PDE4D: variants seen among roughly 807,000 people sequenced by gnomAD.
PDE4D encodes the protein 3',5'-cyclic-AMP phosphodiesterase 4D.
In PDE4D, 24 loss-of-function variants were observed where a neutral mutation model predicts 87.4. That is an observed-to-expected ratio of 0.27 (90% confidence interval 0.20 to 0.39). The LOEUF (loss-of-function observed/expected upper bound fraction) is 0.39, where lower values mean the gene tolerates loss of function less well. PDE4D is among the 10% of genes least tolerant of loss of function. The pLI is 1.00. For missense variants in PDE4D, 714 were observed against 1,041.0 expected, an observed-to-expected ratio of 0.69 and a Z score of 4.32; for synonymous variants, 384 against 383.2, an observed-to-expected ratio of 1.00 and a Z score of -0.02.
At chr5:59,761,786 A>G (rs1580948537) in intron 1 of PDE4D, among the ~76,000 whole-genome samples, 2 of 152,140 alleles carry the variant, frequency 1.3e-5, no homozygotes, top group Admixed American at 1.3e-4. Context: ...ACTTTTGTAT[A>G]TAAGTAGGAG....
At chr5:59,393,929 C>G (rs150693352) in intron 1 of PDE4D, among the ~76,000 whole-genome samples, 1 of 152,162 alleles carries the variant, frequency 6.6e-6, no homozygotes, top group East Asian at 1.9e-4. Context: ...TTTCTTTGAG[C>G]TCTTGAAAAC....
chr5:59,521,283 T>C (rs907304876), intron 1 of PDE4D, among the ~76,000 whole-genome samples: 12 of 152,026 alleles, frequency 7.9e-5, no homozygotes, highest in African/African-American at 2.4e-4. Flanking sequence ...ATCAGTGCAT[T>C]CCTGATGTAT....
intron 1 of PDE4D, among the ~76,000 whole-genome samples, chr5:59,428,669 C>T (rs1450251998): frequency 2.0e-5 from 3 of 152,086 alleles, no homozygotes; most frequent in Admixed American, 1.3e-4. Context: ...AAATTTACAA[C>T]TTAAGAAAAT....
intron 4 of PDE4D, among the ~76,000 whole-genome samples, chr5:59,183,560 C>T (rs762176354): frequency 2.6e-5 from 4 of 152,106 alleles, no homozygotes; most frequent in Non-Finnish European, 4.4e-5. Context: ...ATCTCAGTTT[C>T]CTGGGTAAAA....
In PDE4D at chr5:60,422,068, T is replaced by C. The variant is rs143165623; in HGVS notation, c.-90+65874A>G. On this transcript the variant is annotated intron_variant, in intron 1 of 16. Transcript: ENST00000502484. ...GTGAAAAGACCAAATCTACGTCTGA[T>C]TGATGTACCTGAAAGTGACGGGGAG... Among the ~76,000 whole-genome samples the C allele has an allele frequency of 8.9e-3, 1,349 of 152,326 alleles. 15 individuals carry two copies. The highest frequency in any genetic ancestry group is 0.03 in the African/African-American group (1,267 of 41,562).
intron 3 of PDE4D, among the ~76,000 whole-genome samples, chr5:59,905,469 T>G (rs1473233523): frequency 6.6e-6 from 1 of 152,096 alleles, no homozygotes; most frequent in Non-Finnish European, 1.5e-5. Flanking sequence ...TAAATATTAT[T>G]CATTCTTAAA....
In PDE4D at chr5:58,969,456, G is replaced by A. The variant is rs533492070; in HGVS notation, c.*5208C>T. ...AGATCTTTGCAAATGTTTCTTGTCT[G>A]GATCCCCTTCCTCTTCCTGTCAACT... On this transcript the variant is annotated 3_prime_UTR_variant, in exon 15 of 15. Transcript: ENST00000340635. 6.6e-6 allele frequency: 1 copy of A among 152,226 alleles called. No individual in the cohort carries two copies. The highest frequency in any genetic ancestry group is 1.9e-4 in the East Asian group (1 of 5,188). 9.4% of individuals were successfully genotyped at this position (152,226 alleles called of 1,614,324 possible). A position where few individuals can be genotyped will look rare whatever the true frequency, so the allele number is the denominator to read the frequency against.
chr5:60,434,266 G>A (rs1744588845), intron 1 of PDE4D, among the ~76,000 whole-genome samples: 1 of 152,110 alleles, frequency 6.6e-6, no homozygotes, highest in African/African-American at 2.4e-5. Context: ...TTTATAAATG[G>A]TTGTAAGATT....
chr5:59,733,476 A>G (rs1309016598), intron 1 of PDE4D, among the ~76,000 whole-genome samples: 1 of 152,128 alleles, frequency 6.6e-6, no homozygotes, highest in Non-Finnish European at 1.5e-5. Context: ...AAGGATGTAC[A>G]TGAATTATAA....
At chr5:59,826,079 A>C (rs962058263) in intron 1 of PDE4D, among the ~76,000 whole-genome samples, 8 of 152,126 alleles carry the variant, frequency 5.3e-5, no homozygotes, top group African/African-American at 1.4e-4. Flanking sequence ...GATAGGAGTG[A>C]CTCAGGGTGG....
At chr5:59,403,145 A>AGGTAGGTAGGTAGGTAGGTAGG (rs373517250) in intron 1 of PDE4D, among the ~76,000 whole-genome samples, 18 of 130,414 alleles carry the variant, frequency 1.4e-4, no homozygotes, top group African/African-American at 4.7e-4. Flanking sequence ...AGGTAGGTAG[A>AGGTAGGTAGGTAGGTAGGTAGG]CAGACAGACA....
chr5:60,207,309 G>A (rs1011977002), intron 1 of PDE4D, among the ~76,000 whole-genome samples: 1 of 152,178 alleles, frequency 6.6e-6, no homozygotes, highest in Non-Finnish European at 1.5e-5. Flanking sequence ...ACTATATGAG[G>A]CTTTGAGTGC....
chr5:60,103,537 T>G (rs1331803878), intron 2 of PDE4D, among the ~76,000 whole-genome samples: 3 of 152,168 alleles, frequency 2.0e-5, no homozygotes, highest in African/African-American at 7.2e-5. Context: ...AGCCAAACTG[T>G]TACCATTGCT....
At chr5:59,120,418 T>C (rs1774287965) in intron 5 of PDE4D, among the ~76,000 whole-genome samples, 1 of 152,102 alleles carries the variant, frequency 6.6e-6, no homozygotes, top group Non-Finnish European at 1.5e-5. Context: ...ATGAATCAAG[T>C]CTATGTGTCA....
At chr5:60,095,174 T>C (rs548527339) in intron 2 of PDE4D, among the ~76,000 whole-genome samples, 2 of 152,274 alleles carry the variant, frequency 1.3e-5, no homozygotes, top group African/African-American at 4.8e-5. Context: ...ACGTTAGGTA[T>C]TTCTCCTAAT....
At chr5:59,071,012 G>A (rs1338682892) in intron 5 of PDE4D, among the ~76,000 whole-genome samples, 1 of 152,152 alleles carries the variant, frequency 6.6e-6, no homozygotes, top group Non-Finnish European at 1.5e-5. Context: ...ATGCATCAGA[G>A]ATACATTTTT....
chr5:60,513,267 C>T (rs1003788210), intron 1 of PDE4D, among the ~76,000 whole-genome samples: 2 of 152,056 alleles, frequency 1.3e-5, no homozygotes, highest in Non-Finnish European at 2.9e-5. Context: ...GGTCGCTATG[C>T]AGGCACTACC....
intron 1 of PDE4D, among the ~76,000 whole-genome samples, chr5:59,527,386 T>G (rs925667144): frequency 6.6e-6 from 1 of 152,176 alleles, no homozygotes; most frequent in African/African-American, 2.4e-5. Context: ...AAGTATTCAT[T>G]TTAAAATATC....
At chr5:60,070,019 T>C (rs1485238381) in intron 2 of PDE4D, among the ~76,000 whole-genome samples, 1 of 152,134 alleles carries the variant, frequency 6.6e-6, no homozygotes, top group Non-Finnish European at 1.5e-5. Flanking sequence ...GATTCTGGTA[T>C]GTTGATTTTG....
Sources: gnomAD v4.1 joint callset for allele counts (sites outside exome capture counted in the v4.1 genomes callset) on GRCh38, gnomAD v4.1.1 for gene constraint, MANE v1.5 for transcripts, NCBI Gene and HGNC (gene_info 2026-07-23, HGNC 2026-07-21) for gene names.